The following DMAC2 variants were observed in gnomAD, a reference collection of about 807,000 sequenced individuals.
DMAC2 encodes the protein distal membrane-arm assembly complex protein 2.
DMAC2 carries 32 observed loss-of-function variants against 29.6 expected under a neutral mutation model. The observed-to-expected ratio is 1.08, with a 90% CI of 0.81 to 1.45. The LOEUF (loss-of-function observed/expected upper bound fraction) is 1.45, where lower values mean the gene tolerates loss of function less well. Ranked by LOEUF, DMAC2 falls within the 40% of genes most tolerant of loss-of-function variation. DMAC2 has a pLI of 0.00. For missense variants in DMAC2, 319 were observed against 340.0 expected, an observed-to-expected ratio of 0.94 and a Z score of 0.49; for synonymous variants, 133 against 137.4, an observed-to-expected ratio of 0.97 and a Z score of 0.23.
At chr19:41,432,899 CATGTGTGT>C (rs1217039729) in intron 5 of DMAC2, 1 of 491,812 alleles carries the variant, frequency 2.0e-6, no homozygotes, top group African/African-American at 2.1e-5. Context: ...TGCATGCGTG[CATGTGTGT>C]GTGTATAGGG....
At chr19:41,439,588 C>T in intron 1 of DMAC2, 1 of 1,522,208 alleles carries the variant, frequency 6.6e-7, no homozygotes, top group Non-Finnish European at 8.8e-7. Context: ...TGTCATCCCT[C>T]CCTCTGATTG....
rs980024023 is a variant in DMAC2, at chr19:41,435,186, G to A, written c.296+1206C>T. 5.3e-5 allele frequency among the ~76,000 whole-genome samples: 8 copies of A among 151,928 alleles called. No individual in the cohort carries two copies. The East Asian group carries it at 7.7e-4, about 15-fold the overall frequency. On this transcript the variant is annotated intron_variant, in intron 3 of 5. Coordinates refer to ENST00000221943, the MANE Select transcript of DMAC2 (RefSeq NM_018035.3). ...AGAGACGAGGTTTCACTATGTTGCC[G>A]AGGCTGGTCTTGAACTCCTGGGCTC...
At chr19:41,432,465 T>G (rs2039566822) in intron 5 of DMAC2, 57 bp from the exon 6 acceptor site, 3 of 1,535,012 alleles carry the variant, frequency 2.0e-6, no homozygotes, top group Non-Finnish European at 2.7e-6. Flanking sequence ...TGTGTGTGTG[T>G]AGGGAGGTAC....
In DMAC2 at chr19:41,431,892, C is replaced by A. The variant is rs1363474372; in HGVS notation, c.*339G>T. ...GCCCCTGTGTCAGTCAGGGTCCCTG[C>A]AAGAAATGGCAGTGCACTCACATAA... On this transcript the variant is annotated 3_prime_UTR_variant, in exon 6 of 6. Transcript: ENST00000221943. 4 of 329,112 alleles carry A rather than the reference C, an allele frequency of 1.2e-5. No individual in the cohort carries two copies. The East Asian group carries it at 2.6e-4, about 22-fold the overall frequency. 20.4% of individuals were successfully genotyped at this position (329,112 alleles called of 1,614,324 possible). A position where few individuals can be genotyped will look rare whatever the true frequency, so the allele number is the denominator to read the frequency against.
In DMAC2 at chr19:41,433,299, C is replaced by T. The variant is rs782057190; in HGVS notation, c.569G>A (p.Arg190Gln). 4.4e-5 allele frequency: 71 copies of T among 1,610,388 alleles called. 1 individual carries two copies. Among genetic ancestry groups the T allele is most frequent in the South Asian group, 4.3e-4 (39 of 91,016 alleles). The change falls in exon 5 of 6, where the codon CGG becomes CAG. Residue 190 changes from arginine (R) to glutamine (Q), a missense_variant. Transcript: ENST00000221943. ...SLAGCPRISE[R>Q]GLACLHHLQN... ...GAGGTGGTGGAGGCAGGCGAGGCCC[C>T]GTTCGGAGATGCGGGGGCAACCGGC...
At position 41,438,235 on chromosome 19, in the gene DMAC2, C is replaced by A. The variant is rs782198516; in HGVS notation, c.198G>T (p.Lys66Asn). Residue 66 changes from lysine (K) to asparagine (N), a missense_variant, in exon 2 of 6, where the codon AAG (lysine) becomes AAT (asparagine). Transcript: ENST00000221943. The part of the protein sequence containing the change: ...RDYLLQREMY[K>N]VHEKNRSYTW... Reference sequence around the variant, plus strand: ...ATTCTCACCGATTTTTCTCATGCACCTTGTACATCTCCCTTTGGAGCAAGT... The same window carrying A: ...ATTCTCACCGATTTTTCTCATGCACATTGTACATCTCCCTTTGGAGCAAGT... The A allele has an allele frequency of 1.4e-5, 22 of 1,613,964 alleles. No homozygotes were observed. Among genetic ancestry groups the A allele is most frequent in the Non-Finnish European group, 1.8e-5 (21 of 1,179,934 alleles).
At chr19:41,437,265 G>T (rs1019012429) in intron 2 of DMAC2, among the ~76,000 whole-genome samples, 1 of 151,794 alleles carries the variant, frequency 6.6e-6, no homozygotes, top group Non-Finnish European at 1.5e-5. Flanking sequence ...GTGTGGTGGC[G>T]CCTGCCTGTA....
chr19:41,434,848 TA>T (rs1389322026), intron 3 of DMAC2, among the ~76,000 whole-genome samples: 2 of 151,320 alleles, frequency 1.3e-5, no homozygotes, highest in African/African-American at 4.9e-5. Context: ...CTACCAAAAA[TA>T]AAAAAAATTA....
intron 3 of DMAC2, among the ~76,000 whole-genome samples, chr19:41,435,900 G>A (rs1474239024): frequency 2.0e-5 from 3 of 150,984 alleles, no homozygotes; most frequent in Non-Finnish European, 4.4e-5. Flanking sequence ...TTTTGAGATG[G>A]AGTCTTGCCC....
rs967816283 is a variant in DMAC2, at chr19:41,438,344, G to C, written c.89C>G (p.Ala30Gly). 1.5e-5 allele frequency: 25 copies of C among 1,614,240 alleles called. No individual in the cohort carries two copies. Among genetic ancestry groups the C allele is most frequent in the Non-Finnish European group, 2.1e-5 (25 of 1,180,040 alleles). ...RGIHRLGAAV[A>G]PEGNQKKKRT... ...TTTCTTCTTCTGATTGCCCTCTGGG[G>C]CCACTGCCGCACCCAGGCGATGGAT... The change falls in exon 2 of 6, where the codon GCC becomes GGC. Residue 30 changes from alanine to glycine, a missense_variant. Transcript: ENST00000221943.
At chr19:41,434,994 A>G (rs946264953) in intron 3 of DMAC2, among the ~76,000 whole-genome samples, 2 of 146,008 alleles carry the variant, frequency 1.4e-5, no homozygotes, top group Non-Finnish European at 3.0e-5. Context: ...CGACAAGAGC[A>G]AGACTCTTGT....
In DMAC2 at chr19:41,432,783, CGTGTGTGT is replaced by C. The variant is rs374254190; in HGVS notation, c.597-383_597-376del. The C allele has an allele frequency of 4.5e-3, 1,373 of 303,342 alleles. 25 individuals carry two copies. Among genetic ancestry groups the C allele is most frequent in the African/African-American group, 0.037 (1,091 of 29,268 alleles). 18.8% of individuals were successfully genotyped at this position (303,342 alleles called of 1,614,324 possible). ...GTGTAGGGAGGTACAGGACAGCGTGCGTGTGTGTGTGTGTGTGTGTGTGTGTGTGTGTG... is the reference window on the plus strand; with the variant it reads ...GTGTAGGGAGGTACAGGACAGCGTGCGTGTGTGTGTGTGTGTGTGTGTGTG... On this transcript the variant is annotated intron_variant, in intron 5 of 5. Transcript: ENST00000221943.
chr19:41,438,119 G>T, intron 2 of DMAC2, 99 bp downstream of exon 2: 1 of 1,128,306 alleles, frequency 8.9e-7, no homozygotes. Flanking sequence ...ATCAAGGCTG[G>T]CACTGGAAGC....
chr19:41,439,112 A>G, intron 1 of DMAC2: 1 of 227,446 alleles, frequency 4.4e-6, no homozygotes, highest in Non-Finnish European at 8.7e-6. Context: ...GGAGAGTAAG[A>G]AAGTCGAGGG....
rs1442309035 is a variant in DMAC2, at chr19:41,439,893, C to G, written c.7G>C (p.Ala3Pro). The G allele has an allele frequency of 6.2e-7, 1 of 1,614,224 alleles. No individual in the cohort carries two copies. Among genetic ancestry groups the G allele is most frequent in the Non-Finnish European group, 8.5e-7 (1 of 1,180,048 alleles). MA[A>P]PWASLRLVAP... The stretch of plus-strand genomic sequence containing the variant: ...CTCCGGTCACTTACCGCCCAGGGAG[C>G]CGCCATCTTGCTAAGGTTTCGTAAC... Residue 3 changes from alanine to proline, a missense_variant, in exon 1 of 6, where the codon GCT becomes CCT. Physicochemically the swap from Ala to Pro is conservative, Grantham distance 27. Coordinates refer to ENST00000221943, the MANE Select transcript of DMAC2 (RefSeq NM_018035.3).
chr19:41,432,000 C>G lies in DMAC2; in HGVS notation c.*231G>C. ...AGCCTGAGCCTTTACCTCCCCAGGC[C>G]TGAACAGGGGCATGGAAAGGGCTGC... is the stretch of plus-strand genomic sequence containing the variant. On this transcript the variant is annotated 3_prime_UTR_variant, in exon 6 of 6. Transcript: ENST00000221943. 1 of 585,312 alleles carries G rather than the reference C, an allele frequency of 1.7e-6. No homozygotes were observed. The highest frequency in any genetic ancestry group is 3.0e-6 in the Non-Finnish European group (1 of 329,468). The allele number at this position is 585,312 out of a possible 1,614,324, so 36.3% of individuals were successfully genotyped here.
rs112754755 is a variant in DMAC2, at chr19:41,432,650, C to T, written c.597-242G>A. 1,077 of 283,502 alleles carry T rather than the reference C, an allele frequency of 3.8e-3. 23 individuals are homozygous for T. In the African/African-American group the frequency reaches 0.057, roughly 15 times the overall value. The allele number at this position is 283,502 out of a possible 1,614,324, so 17.6% of individuals were successfully genotyped here. On this transcript the variant is annotated intron_variant, in intron 5 of 5. Transcript: ENST00000221943. The stretch of plus-strand genomic sequence containing the variant: ...TGTGTGTGTGTAGGGAGGTACAGGA[C>T]AGCGTGTGTGTGTGTGTGTGTGTGT...
At chr19:41,437,472 G>A (rs1555771590) in intron 2 of DMAC2, among the ~76,000 whole-genome samples, 1 of 152,242 alleles carries the variant, frequency 6.6e-6, no homozygotes, top group East Asian at 1.9e-4. Flanking sequence ...ACCGAGGCAG[G>A]CGGATCACCT....
In DMAC2 at chr19:41,438,292, G is replaced by A; in HGVS notation, c.141C>T (p.Asn47=). 6.2e-7 allele frequency: 1 copy of A among 1,614,272 alleles called. No homozygotes were observed. Among genetic ancestry groups the A allele is most frequent in the African/African-American group, 1.3e-5 (1 of 75,078 alleles). Residue 47 remains asparagine (N), a synonymous_variant, in exon 2 of 6, where the codon AAC becomes AAT. Transcript: ENST00000221943. ...TCAGAGCCTCCACATCGTAGAAATA[G>A]TTGGTCAGGAACTGGAGTATTGTCC... is the stretch of plus-strand genomic sequence containing the variant. ...KKRTILQFLT[N]YFYDVEALRD...
Sources: gnomAD v4.1 joint callset for allele counts (sites outside exome capture counted in the v4.1 genomes callset) on GRCh38, gnomAD v4.1.1 for gene constraint, MANE v1.5 for transcripts, NCBI Gene and HGNC (gene_info 2026-07-23, HGNC 2026-07-21) for gene names.